ZNF3: variants seen among roughly 807,000 people sequenced by gnomAD.
ZNF3 encodes C2-H2 type zinc finger protein.
In ZNF3, 16 loss-of-function variants were observed where a neutral mutation model predicts 36.9. The ratio of observed to expected loss-of-function variants is 0.43; its 90% CI spans 0.29 to 0.66. The LOEUF (loss-of-function observed/expected upper bound fraction) is 0.66, where lower values mean the gene tolerates loss of function less well. Among genes scored for constraint, ZNF3 ranks in the 30% least tolerant of loss-of-function variants. The pLI is 0.13. For missense variants in ZNF3, 462 were observed against 543.1 expected (o/e 0.85, Z 1.48); for synonymous variants, 201 against 201.9 (o/e 1.00, Z 0.04).
chr7:100,074,235 T>C (rs532211294), intron 5 of ZNF3, among the ~76,000 whole-genome samples: 1 of 152,178 alleles, frequency 6.6e-6, no homozygotes, highest in Non-Finnish European at 1.5e-5. Context: ...TGACCATGCA[T>C]GCACAAGACA....
At position 100,070,689 on chromosome 7, in the gene ZNF3, T is replaced by TA. The variant is rs936971775; in HGVS notation, c.*453dup. ...AAACAGCATGTTTCTTACCGAAACTTAAAGCTGGACTAGGAACAGTAGCTT... is the reference window on the plus strand; with the variant it reads ...AAACAGCATGTTTCTTACCGAAACTTAAAAGCTGGACTAGGAACAGTAGCTT... On this transcript the variant is annotated 3_prime_UTR_variant, in exon 6 of 6. Coordinates refer to ENST00000299667, the MANE Select transcript of ZNF3 (RefSeq NM_032924.5). The TA allele has an allele frequency of 4.0e-6, 4 of 993,314 alleles. No individual in the cohort carries two copies. The highest frequency in any genetic ancestry group is 5.7e-5 in the Admixed American group (1 of 17,680). The allele number at this position is 993,314 out of a possible 1,614,324, so 61.5% of individuals were successfully genotyped here. A position where few individuals can be genotyped will look rare whatever the true frequency, so the allele number is the denominator to read the frequency against.
At chr7:100,075,726 G>GTGTTGTCCCA in intron 3 of ZNF3, 96 bp from the exon 4 acceptor site, 6 of 1,139,490 alleles carry the variant, frequency 5.3e-6, no homozygotes, top group Non-Finnish European at 7.8e-6. Context: ...CCGGGGTCCT[G>GTGTTGTCCCA]GGACAACACA....
upstream of ZNF3, chr7:100,081,813 A>G (rs1162983169): frequency 6.6e-6 from 1 of 152,272 alleles, no homozygotes; most frequent in African/African-American, 2.4e-5. The surrounding 1 kb of genome is among the most constrained non-coding windows in gnomAD (Gnocchi z 4.3). Context: ...TCTGTCTAGG[A>G]AAATGGGAGG....
exon 6 of ZNF3, chr7:100,064,208 G>A: frequency 6.2e-7 from 1 of 1,614,144 alleles, no homozygotes; most frequent in Non-Finnish European, 8.5e-7. Context: ...TGTAAGTGTG[G>A]AAAAGCTTTT....
chr7:100,063,985 G>C (rs1185895627), downstream of ZNF3: 2 of 1,614,172 alleles, frequency 1.2e-6, no homozygotes, highest in Non-Finnish European at 1.7e-6. Context: ...GAAAGGTAGA[G>C]AATCAGTTCC....
downstream of ZNF3, among the ~76,000 whole-genome samples, chr7:100,067,963 A>T (rs912218772): frequency 3.3e-5 from 5 of 152,222 alleles, no homozygotes; most frequent in Non-Finnish European, 4.4e-5. Flanking sequence ...AGAGGGGGCA[A>T]TAAATGGGAA....
At chr7:100,080,992 G>GT in intron 1 of ZNF3, among the ~76,000 whole-genome samples, 4 of 152,240 alleles carry the variant, frequency 2.6e-5, no homozygotes, top group Admixed American at 2.6e-4. Flanking sequence ...TTCTCCTGGA[G>GT]TTTACAAAAG....
rs1279119339 is a variant in ZNF3, at chr7:100,081,123, T to C, written c.-198+512A>G. Among the ~76,000 whole-genome samples the C allele has an allele frequency of 6.6e-6, 1 of 152,150 alleles. No homozygotes were observed. Among genetic ancestry groups the C allele is most frequent in the Non-Finnish European group, 1.5e-5 (1 of 68,038 alleles). ...AGGTGTATCACGCGATGCACTGGGC[T>C]CCAGCAGGATTACCCCTGGAATCGG... is the stretch of plus-strand genomic sequence containing the variant. On this transcript the variant is annotated intron_variant, in intron 1 of 5. Coordinates refer to ENST00000299667, the MANE Select transcript of ZNF3 (RefSeq NM_032924.5). This position sits in a 1 kb window ranked among gnomAD's most constrained non-coding sequence, Gnocchi z 4.3.
At chr7:100,072,847 G>A (rs557995654) in intron 5 of ZNF3, among the ~76,000 whole-genome samples, 2 of 152,322 alleles carry the variant, frequency 1.3e-5, no homozygotes, top group Admixed American at 1.3e-4. Context: ...TGACGTCTCT[G>A]TTTTCACTCC....
chr7:100,074,221 C>G (rs1250642664), intron 5 of ZNF3, among the ~76,000 whole-genome samples: 4 of 152,146 alleles, frequency 2.6e-5, no homozygotes, highest in Non-Finnish European at 5.9e-5. Context: ...ATCAGCCCAA[C>G]TGATGACCAT....
At chr7:100,076,954 C>T (rs1005912758) in intron 3 of ZNF3, 1 of 193,536 alleles carries the variant, frequency 5.2e-6, no homozygotes, top group Non-Finnish European at 1.1e-5. Flanking sequence ...GCCTGCAGTC[C>T]CAGCTACATG....
chr7:100,069,873 A>G, downstream of ZNF3: 1 of 919,474 alleles, frequency 1.1e-6, no homozygotes, highest in Non-Finnish European at 1.3e-6. Context: ...TTGGCCTCCC[A>G]GAGTGCTGGG....
chr7:100,066,574 C>CAA (rs34132820), downstream of ZNF3, among the ~76,000 whole-genome samples: 53 of 143,494 alleles, frequency 3.7e-4, no homozygotes, highest in Middle Eastern at 3.5e-3. Flanking sequence ...ACTAAAAATA[C>CAA]AAAAAAAAAA....
chr7:100,073,530 T>G (rs1184276818), intron 5 of ZNF3, among the ~76,000 whole-genome samples: 1 of 151,888 alleles, frequency 6.6e-6, no homozygotes, highest in African/African-American at 2.4e-5. Context: ...TTTTGTATTT[T>G]TAGTAGAGAT....
Position 100,079,632 on chromosome 7 carries a change from A to C in ZNF3, c.-173T>G, listed in dbSNP as rs1794681074. 6.6e-6 allele frequency: 1 copy of C among 152,196 alleles called. No homozygotes were observed. Among genetic ancestry groups the C allele is most frequent in the African/African-American group, 2.4e-5 (1 of 41,458 alleles). 9.4% of individuals were successfully genotyped at this position (152,196 alleles called of 1,614,324 possible). On this transcript the variant is annotated 5_prime_UTR_variant, in exon 2 of 6. Coordinates refer to ENST00000299667, the MANE Select transcript of ZNF3 (RefSeq NM_032924.5). Reference sequence around the variant, plus strand: ...GCAGCCTCTGTTCAAGTTCCCGGGAATTCTGACTTTTGTTGATGCCAATGC... The same window carrying C: ...GCAGCCTCTGTTCAAGTTCCCGGGACTTCTGACTTTTGTTGATGCCAATGC...
downstream of ZNF3, chr7:100,065,174 T>C (rs910422397): frequency 5.4e-5 from 25 of 459,532 alleles, no homozygotes; most frequent in Admixed American, 7.3e-4. Context: ...ACGCCTGTAA[T>C]CCCAGCACCT....
Position 100,077,451 on chromosome 7 carries a change from C to T in ZNF3, c.-76-18G>A. The T allele has an allele frequency of 1.9e-6, 3 of 1,602,602 alleles. No homozygotes were observed. The highest frequency in any genetic ancestry group is 2.6e-6 in the Non-Finnish European group (3 of 1,173,678). Reference sequence around the variant, plus strand: ...AGGAAGCACTGCAGAAGCAAAAGTTCAAGGTTCAAAGATAATTCAAAAAAA... The same window carrying T: ...AGGAAGCACTGCAGAAGCAAAAGTTTAAGGTTCAAAGATAATTCAAAAAAA... On this transcript the variant is annotated intron_variant, in intron 2 of 5. Coordinates refer to ENST00000299667, the MANE Select transcript of ZNF3 (RefSeq NM_032924.5).
chr7:100,073,341 ATCTT>A (rs1793525617), intron 5 of ZNF3, among the ~76,000 whole-genome samples: 1 of 152,006 alleles, frequency 6.6e-6, no homozygotes, highest in Non-Finnish European at 1.5e-5. Flanking sequence ...TAATTTATTA[ATCTT>A]TCTTTTTTTG....
chr7:100,076,591 C>T (rs1336203949), intron 3 of ZNF3, among the ~76,000 whole-genome samples: 2 of 152,110 alleles, frequency 1.3e-5, no homozygotes, highest in East Asian at 1.9e-4. Flanking sequence ...CGCGCTCGGC[C>T]GCAAAGTATA....
Sources: gnomAD v4.1 joint callset for allele counts (sites outside exome capture counted in the v4.1 genomes callset) on GRCh38, gnomAD v4.1.1 for gene constraint, Gnocchi (gnomAD v3.1) non-coding constraint, MANE v1.5 for transcripts, NCBI Gene and HGNC (gene_info 2026-07-23, HGNC 2026-07-21) for gene names.